Variants in SEC23B observed in about 807,000 individuals in gnomAD.
SEC23B encodes protein transport protein Sec23B.
In SEC23B, 77 loss-of-function variants were observed where a neutral mutation model predicts 104.3. The ratio of observed to expected loss-of-function variants is 0.74; its 90% CI spans 0.61 to 0.89. The LOEUF is 0.89. Ranked by LOEUF, SEC23B falls within the 40% of genes least tolerant of loss-of-function variation. SEC23B has a pLI of 0.00. For missense variants in SEC23B, 885 were observed against 949.4 expected, an observed-to-expected ratio of 0.93 and a Z score of 0.89; for synonymous variants, 338 against 332.5, an observed-to-expected ratio of 1.02 and a Z score of -0.18.
At position 18,551,091 on chromosome 20, in the gene SEC23B, AG is replaced by A. The variant is rs1349052942; in HGVS notation, c.1909del (p.Val637TyrfsTer9). The A allele has an allele frequency of 1.2e-6, 2 of 1,600,164 alleles. No homozygotes were observed. The highest frequency in any genetic ancestry group is 8.5e-7 in the Non-Finnish European group (1 of 1,172,488). ...TCTTTCTCTCTCTTTTTCTTCAGCC[AG>A]TACTCTTGGATAGCAGCAGCATTCT... ...SYSFHGPPEPVLLDSSSILAD... is the reference protein window; with the variant it reads ...SYSFHGPPEPXLLDSSSILAD... On this transcript the variant is annotated frameshift_variant, in exon 17 of 20. Coordinates refer to ENST00000650089, the MANE Select transcript of SEC23B (RefSeq NM_006363.6). LOFTEE classifies it high-confidence loss of function.
At chr20:18,542,974 G>T (rs753460337) in intron 13 of SEC23B, 45 bp from the exon 14 acceptor site, 1 of 1,612,518 alleles carries the variant, frequency 6.2e-7, no homozygotes, top group South Asian at 1.1e-5. Context: ...CTGGCTTTCT[G>T]ATCTCTCCTA....
chr20:18,511,109 T>A (rs1032330056), intron 2 of SEC23B, 53 bp downstream of exon 2: 3 of 1,400,228 alleles, frequency 2.1e-6, no homozygotes, highest in African/African-American at 2.8e-5. Flanking sequence ...TATTATGAAT[T>A]TTATGTGATG....
intron 19 of SEC23B, 119 bp from the exon 20 acceptor site, chr20:18,560,532 A>G: frequency 1.3e-6 from 1 of 766,352 alleles, no homozygotes; most frequent in South Asian, 1.4e-5. Flanking sequence ...GGGTGATGGG[A>G]GTACTCGTAG....
chr20:18,535,248 A>T (rs1375441871), intron 11 of SEC23B, among the ~76,000 whole-genome samples: 1 of 147,342 alleles, frequency 6.8e-6, no homozygotes, highest in East Asian at 2.0e-4. Context: ...GATGGGTCAC[A>T]CCTGTAATCC....
At chr20:18,545,168 C>G (rs902132226) in intron 14 of SEC23B, among the ~76,000 whole-genome samples, 6 of 152,098 alleles carry the variant, frequency 3.9e-5, no homozygotes, top group Non-Finnish European at 7.3e-5. Context: ...ACCCATCTGG[C>G]TCTAGTGTTC....
intron 19 of SEC23B, 40 bp downstream of exon 19, chr20:18,555,213 G>C: frequency 1.3e-6 from 2 of 1,511,806 alleles, no homozygotes; most frequent in Non-Finnish European, 1.8e-6. Flanking sequence ...TGCTAAGCTA[G>C]TTTTTTTTTA....
chr20:18,555,577 C>T (rs898908930), intron 19 of SEC23B, among the ~76,000 whole-genome samples: 2 of 152,110 alleles, frequency 1.3e-5, no homozygotes, highest in African/African-American at 4.8e-5. Flanking sequence ...CTTCCCCCAA[C>T]CCCGCCTGAT....
chr20:18,560,124 T>A (rs1465184605), intron 19 of SEC23B, among the ~76,000 whole-genome samples: 4 of 150,044 alleles, frequency 2.7e-5, no homozygotes, highest in South Asian at 2.1e-4. Context: ...ATATATATAT[T>A]TTTAATTTCT....
intron 4 of SEC23B, among the ~76,000 whole-genome samples, chr20:18,520,795 G>A (rs1052874932): frequency 6.6e-6 from 1 of 151,958 alleles, no homozygotes; most frequent in African/African-American, 2.4e-5. Context: ...CACTGTAAGA[G>A]TTACCCAAAG....
At chr20:18,554,092 G>A in intron 17 of SEC23B, 143 bp from the exon 18 acceptor site, 1 of 953,944 alleles carries the variant, frequency 1.0e-6, no homozygotes, top group Non-Finnish European at 1.6e-6. Flanking sequence ...GCTCTGCTTT[G>A]CTCTCCCTCT....
At chr20:18,545,930 T>A (rs369516553) in intron 14 of SEC23B, 26 bp from the exon 15 acceptor site, 1 of 1,312,470 alleles carries the variant, frequency 7.6e-7, no homozygotes, top group Non-Finnish European at 1.1e-6. Flanking sequence ...TGTGTTTGTT[T>A]GTTTTTTGGT....
At position 18,535,684 on chromosome 20, in the gene SEC23B, A is replaced by T; in HGVS notation, c.1346A>T (p.Lys449Ile). Residue 449 changes from lysine to isoleucine, a missense_variant, in exon 12 of 20, where the codon AAA becomes ATA. Transcript: ENST00000650089. ...ELGVGGTSQW[K>I]ICGLDPTSTL... ...GGTGTTGGTGGCACGAGTCAGTGGA[A>T]AATCTGTGGCCTAGATCCTACATCT... The T allele has an allele frequency of 6.2e-7, 1 of 1,613,464 alleles. No individual in the cohort carries two copies. The highest frequency in any genetic ancestry group is 8.5e-7 in the Non-Finnish European group (1 of 1,179,820).
Position 18,532,681 on chromosome 20 carries a change from G to A in SEC23B, c.1251G>A (p.Lys417=). 1 of 1,613,752 alleles carries A rather than the reference G, an allele frequency of 6.2e-7. No individual in the cohort carries two copies. Among genetic ancestry groups the A allele is most frequent in the Non-Finnish European group, 8.5e-7 (1 of 1,179,628 alleles). ...TLDVKTSREL[K]IAGAIGPCVS... is the part of the protein sequence containing the mutation. ...TGTTATAGACCTCTCGGGAACTGAA[G>A]ATTGCAGGAGCCATTGGTCCATGCG... Residue 417 remains lysine, a synonymous_variant, in exon 11 of 20, where the codon AAG becomes AAA. Transcript: ENST00000650089.
intron 15 of SEC23B, among the ~76,000 whole-genome samples, chr20:18,548,261 T>TA (rs58789388): frequency 4.6e-5 from 7 of 151,478 alleles, no homozygotes; most frequent in South Asian, 4.1e-4. Flanking sequence ...AAAGGCCCTT[T>TA]AAAAAAAAAA....
At chr20:18,529,729 C>T (rs1431956513) in intron 9 of SEC23B, among the ~76,000 whole-genome samples, 1 of 152,212 alleles carries the variant, frequency 6.6e-6, no homozygotes, top group Non-Finnish European at 1.5e-5. Context: ...CCAACAGAGG[C>T]ACATGGCCAT....
intron 19 of SEC23B, among the ~76,000 whole-genome samples, chr20:18,558,981 T>C (rs1211832005): frequency 1.3e-5 from 2 of 151,910 alleles, no homozygotes; most frequent in East Asian, 3.9e-4. Context: ...TTATTGAAAC[T>C]TGGACACTTG....
intron 13 of SEC23B, 78 bp downstream of exon 13, chr20:18,542,480 G>A (rs2060296874): frequency 7.5e-7 from 1 of 1,325,650 alleles, no homozygotes. Context: ...ACATTTGTTA[G>A]TTTGTCTTTT....
chr20:18,530,652 T>G (rs749042516), intron 9 of SEC23B, 28 bp from the exon 10 acceptor site: 4 of 1,611,174 alleles, frequency 2.5e-6, no homozygotes, highest in African/African-American at 1.3e-5. Context: ...CTTCCTAATA[T>G]TCACTTGATT....
rs555375593 is a variant in SEC23B, at chr20:18,559,239, C to T, written c.2215-1412C>T. On this transcript the variant is annotated intron_variant, in intron 19 of 19. Coordinates refer to ENST00000650089, the MANE Select transcript of SEC23B (RefSeq NM_006363.6). ...GCTCCCCCATAGCCTCCAGTGAGAC[C>T]GCTGTGGAGATGGCCTTGTTACACT... 3.3e-5 allele frequency among the ~76,000 whole-genome samples: 5 copies of T among 152,192 alleles called. No individual in the cohort carries two copies. The South Asian group carries it at 6.2e-4, about 19-fold the overall frequency.
Sources: gnomAD v4.1 joint callset for allele counts (sites outside exome capture counted in the v4.1 genomes callset) on GRCh38, gnomAD v4.1.1 for gene constraint, MANE v1.5 for transcripts, NCBI Gene and HGNC (gene_info 2026-07-23, HGNC 2026-07-21) for gene names.